RUBCNL: variants seen among roughly 807,000 people sequenced by gnomAD.
RUBCNL encodes rubicon like autophagy enhancer.
RUBCNL carries 62 observed loss-of-function variants against 69.5 expected under a neutral mutation model. The observed-to-expected ratio is 0.89, with a 90% CI of 0.73 to 1.10. The LOEUF (loss-of-function observed/expected upper bound fraction) is 1.10, where lower values mean the gene tolerates loss of function less well. Ranked by LOEUF, RUBCNL falls within the 50% of genes least tolerant of loss-of-function variation. The probability of loss-of-function intolerance (pLI) is 0.00; values close to 1 mark genes in which losing one functional copy is unlikely to be tolerated. For synonymous variants in RUBCNL, 291 were observed against 303.6 expected, an observed-to-expected ratio of 0.96 and a Z score of 0.43; for missense variants, 768 against 798.1, an observed-to-expected ratio of 0.96 and a Z score of 0.45.
intron 1 of RUBCNL, among the ~76,000 whole-genome samples, chr13:46,381,966 C>T (rs1353863783): frequency 1.3e-5 from 2 of 152,058 alleles, no homozygotes; most frequent in African/African-American, 4.8e-5. Context: ...CCATATCTGG[C>T]CAATTTTTTA....
At chr13:46,351,631 A>G (rs967638969) in intron 10 of RUBCNL, among the ~76,000 whole-genome samples, 24 of 152,224 alleles carry the variant, frequency 1.6e-4, no homozygotes, top group African/African-American at 5.8e-4. Context: ...GAAATGCTGT[A>G]CAGCCCATAA....
rs1555333093 is a variant in RUBCNL, at chr13:46,335,242, T to TTTTTTGTTG, written c.*8142_*8143insCAACAAAAA. Among the ~76,000 whole-genome samples, 3 of 142,096 alleles carry TTTTTTGTTG rather than the reference T, an allele frequency of 2.1e-5. No homozygotes were observed. Among genetic ancestry groups the TTTTTTGTTG allele is most frequent in the South Asian group, 2.2e-4 (1 of 4,460 alleles). The allele number at this position is 142,096 out of a possible 152,430, so 93.2% of individuals were successfully genotyped here. A position where few individuals can be genotyped will look rare whatever the true frequency, so the allele number is the denominator to read the frequency against. ...ATTGTGCCCAGCTAATTTGTGTCTT[T>TTTTTTGTTG]TTGTTGTTGTTGTTGTTGTTTTTTT... On this transcript the variant is annotated 3_prime_UTR_variant, in exon 15 of 15. Coordinates refer to ENST00000429979, the MANE Select transcript of RUBCNL (RefSeq NM_025113.5).
rs2048892494 is a variant in RUBCNL, at chr13:46,372,195, C to T, written c.281G>A (p.Cys94Tyr). 41 of 1,614,014 alleles carry T rather than the reference C, an allele frequency of 2.5e-5. No homozygotes were observed. The highest frequency in any genetic ancestry group is 3.4e-5 in the Non-Finnish European group (40 of 1,179,878). ...AASPSGPSPS[C>Y]LGDSLAETTL... is the part of the protein sequence containing the mutation. ...TGTCTCTGCCAGGGAGTCCCCGAGG[C>T]ACGAAGGTGAAGGGCCTGAGGGAGA... Residue 94 changes from cysteine to tyrosine, a missense_variant, in exon 3 of 15, where the codon TGC becomes TAC. By Grantham distance (194) the Cys-to-Tyr change is radical. Coordinates refer to ENST00000429979, the MANE Select transcript of RUBCNL (RefSeq NM_025113.5).
At chr13:46,351,882 G>A (rs981447545) in intron 10 of RUBCNL, among the ~76,000 whole-genome samples, 4 of 148,610 alleles carry the variant, frequency 2.7e-5, no homozygotes, top group African/African-American at 7.5e-5. Flanking sequence ...AGGCTGGAGT[G>A]CAGTGGCATG....
chr13:46,357,535 A>G lies in RUBCNL; in HGVS notation c.1266-1039T>C, dbSNP rs150465636. Among the ~76,000 whole-genome samples, 501 of 152,156 alleles carry G rather than the reference A, an allele frequency of 3.3e-3. 4 individuals are homozygous for G. The highest frequency in any genetic ancestry group is 0.012 in the African/African-American group (478 of 41,512). On this transcript the variant is annotated intron_variant, in intron 9 of 14. Transcript: ENST00000429979. ...ATGCACTTGGGAAATTCACAAATGG[A>G]TCTAAAGAAATTTAGACGAATAAGA...
Position 46,341,908 on chromosome 13 carries a change from A to G in RUBCNL, c.*1477T>C, listed in dbSNP as rs1398390093. Reference sequence around the variant, plus strand: ...AGTTTCCTTGCCTGTAAATGGAGATATAGACATCTGCCTCAGAAAGGAATG... The same window carrying G: ...AGTTTCCTTGCCTGTAAATGGAGATGTAGACATCTGCCTCAGAAAGGAATG... On this transcript the variant is annotated 3_prime_UTR_variant, in exon 15 of 15. Transcript: ENST00000429979. The G allele has an allele frequency of 1.3e-5, 2 of 152,246 alleles. No individual in the cohort carries two copies. Among genetic ancestry groups the G allele is most frequent in the Non-Finnish European group, 1.5e-5 (1 of 68,044 alleles). The allele number at this position is 152,246 out of a possible 1,614,324, so 9.4% of individuals were successfully genotyped here.
chr13:46,386,417 T>C (rs2049245320), intron 1 of RUBCNL, among the ~76,000 whole-genome samples: 1 of 152,178 alleles, frequency 6.6e-6, no homozygotes, highest in Non-Finnish European at 1.5e-5. Context: ...TGAGTATACC[T>C]TTTCCTTTGA....
In RUBCNL at chr13:46,372,516, A is replaced by G. The variant is rs772042617; in HGVS notation, c.-41T>C. 1.1e-5 allele frequency: 17 copies of G among 1,547,868 alleles called. No homozygotes were observed. In the South Asian group the frequency reaches 1.9e-4, roughly 17 times the overall value. On this transcript the variant is annotated 5_prime_UTR_variant, in exon 3 of 15. Coordinates refer to ENST00000429979, the MANE Select transcript of RUBCNL (RefSeq NM_025113.5). Reference sequence around the variant, plus strand: ...GCTGGTGTGAATCCATTCAAAACAGATAGGAGTTCCCTGATTGCTGGTACT... The same window carrying G: ...GCTGGTGTGAATCCATTCAAAACAGGTAGGAGTTCCCTGATTGCTGGTACT...
At chr13:46,382,349 T>C (rs2049136575) in intron 1 of RUBCNL, among the ~76,000 whole-genome samples, 1 of 150,584 alleles carries the variant, frequency 6.6e-6, no homozygotes, top group East Asian at 2.0e-4. Context: ...ATACGGGAAA[T>C]ACTGAATAAA....
In RUBCNL at chr13:46,336,761, C is replaced by T. The variant is rs1008215840; in HGVS notation, c.*6624G>A. On this transcript the variant is annotated 3_prime_UTR_variant, in exon 15 of 15. Transcript: ENST00000429979. ...GTAAAGGAAGAAAGAGGTGTGGAAGCGATGGCAAACATTAAAAACTGTTCT... is the reference window on the plus strand; with the variant it reads ...GTAAAGGAAGAAAGAGGTGTGGAAGTGATGGCAAACATTAAAAACTGTTCT... 2.6e-5 allele frequency among the ~76,000 whole-genome samples: 4 copies of T among 151,854 alleles called. No homozygotes were observed. Among genetic ancestry groups the T allele is most frequent in the African/African-American group, 9.7e-5 (4 of 41,328 alleles).
At chr13:46,374,516 A>G (rs1240577500) in intron 2 of RUBCNL, 1 of 152,232 alleles carries the variant, frequency 6.6e-6, no homozygotes, top group Non-Finnish European at 1.5e-5. Context: ...TTGTCCTCGG[A>G]TAGAGGACAT....
Position 46,363,190 on chromosome 13 carries a change from G to C in RUBCNL, c.850C>G (p.Pro284Ala), listed in dbSNP as rs1213524827. ...TGGTAAGTACGTGTTTCAGTCACTG[G>C]GCTGACCTGTAACACAGCACAACCT... is the stretch of plus-strand genomic sequence containing the variant. The part of the protein sequence containing the change: ...YEGCAVLQVS[P>A]VTETRTYHDV... The change falls in exon 6 of 15, where the codon CCA becomes GCA. Residue 284 changes from proline (P) to alanine (A), a missense_variant. Transcript: ENST00000429979. 1.3e-6 allele frequency: 2 copies of C among 1,588,830 alleles called. No individual in the cohort carries two copies. The highest frequency in any genetic ancestry group is 1.7e-6 in the Non-Finnish European group (2 of 1,166,960).
rs200273080 is a variant in RUBCNL at position 46,350,070 on chromosome 13, G to C, written c.1569+43C>G. On this transcript the variant is annotated intron_variant, in intron 11 of 14. Coordinates refer to ENST00000429979, the MANE Select transcript of RUBCNL (RefSeq NM_025113.5). ...AGTGTGATGTGCATTTCCTGCCACA[G>C]GACACTTCCAATGAGAGGGATGGGG... The C allele has an allele frequency of 5.4e-4, 769 of 1,419,802 alleles. 5 individuals are homozygous for C. Among genetic ancestry groups the C allele is most frequent in the Admixed American group, 8.0e-4 (40 of 49,964 alleles). 88.0% of individuals were successfully genotyped at this position (1,419,802 alleles called of 1,614,324 possible).
chr13:46,343,619 A>G (rs1031379811), intron 14 of RUBCNL, 122 bp from the exon 15 acceptor site: 2 of 1,015,912 alleles, frequency 2.0e-6, no homozygotes, highest in African/African-American at 3.3e-5. Context: ...AGTCTTCTAA[A>G]AAGAAACCAG....
intron 1 of RUBCNL, among the ~76,000 whole-genome samples, chr13:46,386,318 G>A (rs1793181721): frequency 1.3e-5 from 2 of 152,064 alleles, no homozygotes; most frequent in African/African-American, 4.8e-5. Context: ...TCAAGCTTAC[G>A]GATTCTCTGT....
chr13:46,372,755 T>C (rs550973358), intron 2 of RUBCNL, among the ~76,000 whole-genome samples, 158 bp from the exon 3 acceptor site: 2 of 152,008 alleles, frequency 1.3e-5, no homozygotes, highest in South Asian at 2.1e-4. Flanking sequence ...AAAAAATAAA[T>C]AAATCAGCCA....
At position 46,368,047 on chromosome 13, in the gene RUBCNL, T is replaced by A; in HGVS notation, c.821A>T (p.Tyr274Phe). ...SGSSTSSYSG[Y>F]EGCAVLQVSP... ...CTCATATTTGCCCAACTTGCCTTCA[T>A]AGCCACTGTATGAAGAAGTAGAAGA... is the stretch of plus-strand genomic sequence containing the variant. Residue 274 changes from tyrosine (Y) to phenylalanine (F), a missense_variant, in exon 5 of 15, where the codon TAT (tyrosine) becomes TTT (phenylalanine). Coordinates refer to ENST00000429979, the MANE Select transcript of RUBCNL (RefSeq NM_025113.5). 1 of 1,613,952 alleles carries A rather than the reference T, an allele frequency of 6.2e-7. No individual in the cohort carries two copies.
intron 1 of RUBCNL, among the ~76,000 whole-genome samples, chr13:46,386,617 G>A (rs1450584485): frequency 7.9e-5 from 12 of 152,028 alleles, no homozygotes; most frequent in Admixed American, 7.9e-4. Context: ...AAGAGTGGGG[G>A]TTGCTATGTA....
Position 46,363,805 on chromosome 13 carries a change from G to A in RUBCNL, c.827-592C>T, listed in dbSNP as rs375188328. 3.0e-4 allele frequency among the ~76,000 whole-genome samples: 45 copies of A among 150,980 alleles called. 1 individual carries two copies. The South Asian group carries it at 9.4e-3, about 32-fold the overall frequency. ...GAGCCTGGGAGGCGGAGATTGTAGT[G>A]AGCTGAGATCATGCCACTGCACTCC... On this transcript the variant is annotated intron_variant, in intron 5 of 14. Coordinates refer to ENST00000429979, the MANE Select transcript of RUBCNL (RefSeq NM_025113.5).
Sources: gnomAD v4.1 joint callset for allele counts (sites outside exome capture counted in the v4.1 genomes callset) on GRCh38, gnomAD v4.1.1 for gene constraint, MANE v1.5 for transcripts, NCBI Gene and HGNC (gene_info 2026-07-23, HGNC 2026-07-21) for gene names.